The following MAP4K3 variants were observed in gnomAD, a reference collection of about 807,000 sequenced individuals.
MAP4K3 encodes the protein MAPK/ERK kinase kinase kinase 3.
A neutral mutation model predicts 143.5 loss-of-function variants in MAP4K3; 94 were observed. That is an observed-to-expected ratio of 0.65 (90% CI 0.55 to 0.78). The LOEUF is 0.78. Ranked by LOEUF, MAP4K3 falls within the 30% of genes least tolerant of loss-of-function variation. The pLI, the probability that MAP4K3 is intolerant of heterozygous loss-of-function variation, is 0.00. For missense variants in MAP4K3, 1,077 were observed against 1,068.1 expected (o/e 1.01, Z -0.12); for synonymous variants, 416 against 347.2 (o/e 1.20, Z -2.20).
At chr2:39,312,286 G>A (rs6725784) in intron 13 of MAP4K3, among the ~76,000 whole-genome samples, 9,417 of 151,796 alleles carry the variant, frequency 0.062, 380 homozygotes, top group African/African-American at 0.11. Context: ...ATCATTTTCT[G>A]ATCTTATAAC....
intron 3 of MAP4K3, among the ~76,000 whole-genome samples, chr2:39,353,516 C>T (rs1467252752): frequency 1.3e-5 from 2 of 152,196 alleles, no homozygotes; most frequent in South Asian, 4.1e-4. Flanking sequence ...AATGATCCTA[C>T]TTTTGTCTGT....
Position 39,278,489 on chromosome 2 carries a change from GA to G in MAP4K3, c.1715-4del, listed in dbSNP as rs1345845679. The G allele has an allele frequency of 1.3e-6, 2 of 1,527,560 alleles. No homozygotes were observed. Among genetic ancestry groups the G allele is most frequent in the African/African-American group, 2.8e-5 (2 of 72,150 alleles). 94.6% of individuals were successfully genotyped at this position (1,527,560 alleles called of 1,614,324 possible). On this transcript the variant is annotated splice_polypyrimidine_tract_variant and splice_region_variant and intron_variant, in intron 23 of 33. Transcript: ENST00000263881. ...GGCACCAAATATCAAGTACTGATCT[GA>G]AATAAAAGTAATTCACTGACTGATT...
intron 2 of MAP4K3, among the ~76,000 whole-genome samples, chr2:39,363,559 C>T (rs1225851134): frequency 6.7e-6 from 1 of 148,260 alleles, no homozygotes; most frequent in Non-Finnish European, 1.5e-5. Context: ...ATCCCAGGTA[C>T]TTTGGAGACT....
chr2:39,333,803 T>G (rs187513622), intron 6 of MAP4K3, among the ~76,000 whole-genome samples: 10 of 152,312 alleles, frequency 6.6e-5, no homozygotes, highest in South Asian at 4.1e-4. Context: ...AAGCTGCTAC[T>G]AACATAGTAT....
intron 16 of MAP4K3, among the ~76,000 whole-genome samples, chr2:39,296,084 G>A (rs1367319263): frequency 1.3e-5 from 2 of 152,104 alleles, no homozygotes; most frequent in African/African-American, 2.4e-5. Flanking sequence ...GAGAATGGTT[G>A]AATAAGTGAA....
At chr2:39,407,976 G>A (rs1667140416) in intron 1 of MAP4K3, among the ~76,000 whole-genome samples, 1 of 151,988 alleles carries the variant, frequency 6.6e-6, no homozygotes, top group South Asian at 2.1e-4. Context: ...TTTATGGCAG[G>A]AAAGGATAGG....
At chr2:39,251,930 A>C (rs1010058146) in intron 32 of MAP4K3, 45 bp from the exon 33 acceptor site, 3 of 1,352,422 alleles carry the variant, frequency 2.2e-6, no homozygotes, top group Non-Finnish European at 3.2e-6. Flanking sequence ...TTAAAGACAC[A>C]AAATTTTTAA....
At chr2:39,389,704 T>G (rs1666601301) in intron 1 of MAP4K3, among the ~76,000 whole-genome samples, 1 of 152,018 alleles carries the variant, frequency 6.6e-6, no homozygotes, top group African/African-American at 2.4e-5. Flanking sequence ...TAGGGCAAAA[T>G]AAAGACACTT....
chr2:39,387,084 G>C (rs1666525779), intron 1 of MAP4K3, among the ~76,000 whole-genome samples: 1 of 152,118 alleles, frequency 6.6e-6, no homozygotes, highest in South Asian at 2.1e-4. Flanking sequence ...AAAGTGCTGG[G>C]ATGACAGGTA....
chr2:39,403,246 T>C (rs1474657992), intron 1 of MAP4K3, among the ~76,000 whole-genome samples: 1 of 152,170 alleles, frequency 6.6e-6, no homozygotes, highest in Non-Finnish European at 1.5e-5. Context: ...ATTTAGCAAC[T>C]ATCTACACAC....
intron 1 of MAP4K3, among the ~76,000 whole-genome samples, chr2:39,435,020 T>C (rs1456676431): frequency 2.0e-5 from 3 of 152,188 alleles, no homozygotes; most frequent in Non-Finnish European, 4.4e-5. Context: ...AGCCAATTAG[T>C]CCTGTAAAAA....
intron 1 of MAP4K3, among the ~76,000 whole-genome samples, chr2:39,381,356 A>T (rs72801472): frequency 6.6e-6 from 1 of 152,174 alleles, no homozygotes; most frequent in African/African-American, 2.4e-5. Context: ...GTTAATTGTA[A>T]GAGTTCTTCA....
At chr2:39,413,150 A>C (rs1195701562) in intron 1 of MAP4K3, among the ~76,000 whole-genome samples, 1 of 152,246 alleles carries the variant, frequency 6.6e-6, no homozygotes, top group Non-Finnish European at 1.5e-5. Flanking sequence ...AAATTCATCA[A>C]AGCTTTCATG....
At chr2:39,287,637 A>G (rs1681855178) in intron 20 of MAP4K3, among the ~76,000 whole-genome samples, 2 of 152,158 alleles carry the variant, frequency 1.3e-5, no homozygotes, top group Admixed American at 6.5e-5. Context: ...TCTTCTGGAT[A>G]AACACAGAGG....
At chr2:39,426,184 C>A (rs6759388) in intron 1 of MAP4K3, among the ~76,000 whole-genome samples, 10,272 of 152,050 alleles carry the variant, frequency 0.068, 1,182 homozygotes, top group African/African-American at 0.23. Context: ...AAATTTCCGT[C>A]AAAAAATGTG....
Position 39,416,004 on chromosome 2 carries a change from T to TATATATATATATATAA in MAP4K3, c.96+20887_96+20888insTTATATATATATATAT, listed in dbSNP as rs1206690314. Among the ~76,000 whole-genome samples the TATATATATATATATAA allele has an allele frequency of 1.8e-3, 136 of 76,000 alleles. 4 individuals carry two copies. The highest frequency in any genetic ancestry group is 3.0e-3 in the Non-Finnish European group (123 of 41,340). The allele number at this position is 76,000 out of a possible 152,430, so 49.9% of individuals were successfully genotyped here. A position where few individuals can be genotyped will look rare whatever the true frequency, so the allele number is the denominator to read the frequency against. Reference sequence around the variant, plus strand: ...AAATATATATATATATATATATATATAAAAATAACATTTGGAAGAATAAAT... The same window carrying TATATATATATATATAA: ...AAATATATATATATATATATATATATATATATATATATATAAAAAAATAACATTTGGAAGAATAAAT... On this transcript the variant is annotated intron_variant, in intron 1 of 33. Coordinates refer to ENST00000263881, the MANE Select transcript of MAP4K3 (RefSeq NM_003618.4).
chr2:39,285,372 T>C lies in MAP4K3; in HGVS notation c.1587+1480A>G, dbSNP rs114167530. 2.5e-3 allele frequency among the ~76,000 whole-genome samples: 377 copies of C among 152,310 alleles called. 3 individuals carry two copies. The highest frequency in any genetic ancestry group is 8.8e-3 in the African/African-American group (365 of 41,558). ...CATAAAAAATGTTTACTTAGTACCA[T>C]TGGAAAGGTTAAAAAAAAAGTTTAC... On this transcript the variant is annotated intron_variant, in intron 21 of 33. Transcript: ENST00000263881.
intron 24 of MAP4K3, 47 bp from the exon 25 acceptor site, chr2:39,272,589 CA>C: frequency 2.7e-6 from 4 of 1,457,220 alleles, no homozygotes; most frequent in Non-Finnish European, 3.8e-6. Flanking sequence ...TACATAATGG[CA>C]ATGTAAATCT....
chr2:39,265,166 T>C (rs775996452), intron 28 of MAP4K3, 37 bp downstream of exon 28: 1 of 1,308,058 alleles, frequency 7.6e-7, no homozygotes, highest in East Asian at 2.3e-5. Flanking sequence ...GACAAGCTTT[T>C]ATAGTAAGAA....
Sources: gnomAD v4.1 joint callset for allele counts (sites outside exome capture counted in the v4.1 genomes callset) on GRCh38, gnomAD v4.1.1 for gene constraint, MANE v1.5 for transcripts, NCBI Gene and HGNC (gene_info 2026-07-23, HGNC 2026-07-21) for gene names.